OTUB2: variants seen among roughly 807,000 people sequenced by gnomAD.
The protein encoded by OTUB2 is ubiquitin thioesterase OTUB2.
OTUB2 carries 21 observed loss-of-function variants against 25.1 expected under a neutral mutation model. The ratio of observed to expected loss-of-function variants is 0.84; its 90% CI spans 0.59 to 1.21. The LOEUF (loss-of-function observed/expected upper bound fraction) is 1.21. Ranked by LOEUF, OTUB2 falls within the 50% of genes most tolerant of loss-of-function variation. OTUB2 has a pLI of 0.00. For synonymous variants in OTUB2, 122 were observed against 122.8 expected (o/e 0.99, Z 0.04); for missense variants, 283 against 298.0 (o/e 0.95, Z 0.37).
Position 94,039,977 on chromosome 14 carries a change from G to A in OTUB2, c.218+896G>A, listed in dbSNP as rs113875315. Among the ~76,000 whole-genome samples, 994 of 152,252 alleles carry A rather than the reference G, an allele frequency of 6.5e-3. 19 individuals are homozygous for A. The highest frequency in any genetic ancestry group is 0.022 in the African/African-American group (928 of 41,538). On this transcript the variant is annotated intron_variant, in intron 3 of 5. Transcript: ENST00000203664. ...ACGTTTTGGGCCAGATCATGCTCAC[G>A]GTGGGGGCTGTCCTATGCATTGTAG...
chr14:94,030,060 G>A (rs1413175187), intron 1 of OTUB2, among the ~76,000 whole-genome samples: 1 of 152,218 alleles, frequency 6.6e-6, no homozygotes, highest in Non-Finnish European at 1.5e-5. Flanking sequence ...GGAGGTCGTT[G>A]TCAAAAGATT....
Position 94,041,165 on chromosome 14 carries a change from G to A in OTUB2, c.218+2084G>A, listed in dbSNP as rs532864842. Among the ~76,000 whole-genome samples the A allele has an allele frequency of 6.0e-4, 91 of 152,332 alleles. 1 individual carries two copies. The highest frequency in any genetic ancestry group is 1.9e-3 in the African/African-American group (80 of 41,582). On this transcript the variant is annotated intron_variant, in intron 3 of 5. Coordinates refer to ENST00000203664, the MANE Select transcript of OTUB2 (RefSeq NM_023112.4). ...ACCTGTGAAGGTGGCGAAAGGATTC[G>A]TGCCCGACTCACATGTTGGACATGG...
intron 1 of OTUB2, 84 bp from the exon 2 acceptor site, chr14:94,037,296 G>A (rs2141410722): frequency 5.7e-6 from 5 of 882,038 alleles, no homozygotes; most frequent in Admixed American, 4.1e-5. Context: ...GTCTGTAACC[G>A]GCAGTTCAGA....
chr14:94,041,013 T>C (rs1275187697), intron 3 of OTUB2, among the ~76,000 whole-genome samples: 1 of 151,952 alleles, frequency 6.6e-6, no homozygotes, highest in Non-Finnish European at 1.5e-5. Flanking sequence ...CTGGCTGCTG[T>C]GTGCAGGACA....
chr14:94,031,542 G>A (rs549577289), intron 1 of OTUB2, among the ~76,000 whole-genome samples: 1 of 152,120 alleles, frequency 6.6e-6, no homozygotes, highest in Admixed American at 6.5e-5. Context: ...CCTCTCCAGC[G>A]TCATGGTGGG....
intron 3 of OTUB2, among the ~76,000 whole-genome samples, chr14:94,042,824 C>T (rs549283379): frequency 2.0e-5 from 3 of 152,190 alleles, no homozygotes; most frequent in Non-Finnish European, 4.4e-5. Flanking sequence ...CCCTCAGCAC[C>T]CCTGCAGTCA....
rs532138886 is a variant in OTUB2, at chr14:94,035,269, T to C, written c.4-2111T>C. Among the ~76,000 whole-genome samples the C allele has an allele frequency of 1.4e-4, 21 of 149,880 alleles. No individual in the cohort carries two copies. The South Asian group carries it at 3.2e-3, about 23-fold the overall frequency. Reference sequence around the variant, plus strand: ...CTTTTGGAAACATTCTTCATCCAGTTCTTTTTTTTTTCTTTTCTTTTTTTT... The same window carrying C: ...CTTTTGGAAACATTCTTCATCCAGTCCTTTTTTTTTTCTTTTCTTTTTTTT... On this transcript the variant is annotated intron_variant, in intron 1 of 5. Coordinates refer to ENST00000203664, the MANE Select transcript of OTUB2 (RefSeq NM_023112.4).
At chr14:94,041,516 T>C (rs1430309807) in intron 3 of OTUB2, among the ~76,000 whole-genome samples, 1 of 152,160 alleles carries the variant, frequency 6.6e-6, no homozygotes, top group Non-Finnish European at 1.5e-5. Context: ...TAGGCTGGCC[T>C]CGAACTCTTG....
At position 94,035,488 on chromosome 14, in the gene OTUB2, G is replaced by A. The variant is rs928532340; in HGVS notation, c.4-1892G>A. ...GTATTTTTAGTAGAGACGAGGTTTC[G>A]CCATCTTGGACAGGCTGGTCTTGAA... On this transcript the variant is annotated intron_variant, in intron 1 of 5. Coordinates refer to ENST00000203664, the MANE Select transcript of OTUB2 (RefSeq NM_023112.4). Among the ~76,000 whole-genome samples the A allele has an allele frequency of 8.6e-5, 13 of 151,670 alleles. 1 individual carries two copies. Among genetic ancestry groups the A allele is most frequent in the South Asian group, 6.2e-4 (3 of 4,808 alleles).
chr14:94,039,133 C>T (rs779025067), intron 3 of OTUB2, 52 bp downstream of exon 3: 2 of 1,405,778 alleles, frequency 1.4e-6, no homozygotes, highest in East Asian at 2.3e-5. Context: ...TGTGCTAGGT[C>T]AGCCTCAAGT....
Position 94,046,086 on chromosome 14 carries a change from T to A in OTUB2, c.*164T>A. 1.4e-6 allele frequency: 1 copy of A among 715,324 alleles called. No homozygotes were observed. Among genetic ancestry groups the A allele is most frequent in the Non-Finnish European group, 2.3e-6 (1 of 437,066 alleles). 44.3% of individuals were successfully genotyped at this position (715,324 alleles called of 1,614,324 possible). On this transcript the variant is annotated 3_prime_UTR_variant, in exon 6 of 6. Coordinates refer to ENST00000203664, the MANE Select transcript of OTUB2 (RefSeq NM_023112.4). ...GAGGCCTATCCACTATGGACTATGG[T>A]AACTTGGTAGGATTTTTAGTATTTA...
chr14:94,026,341 G>A lies in OTUB2; in HGVS notation c.-197G>A. 1 of 1,225,242 alleles carries A rather than the reference G, an allele frequency of 8.2e-7. No homozygotes were observed. Among genetic ancestry groups the A allele is most frequent in the Non-Finnish European group, 1.0e-6 (1 of 983,572 alleles). The allele number at this position is 1,225,242 out of a possible 1,614,324, so 75.9% of individuals were successfully genotyped here. ...TTGCCCGCCTGAGACGTCAATCGCA[G>A]GGCGTGTGTCTTGCTGGGACACAGT... On this transcript the variant is annotated 5_prime_UTR_variant, in exon 1 of 6. Coordinates refer to ENST00000203664, the MANE Select transcript of OTUB2 (RefSeq NM_023112.4).
intron 1 of OTUB2, among the ~76,000 whole-genome samples, chr14:94,030,878 A>G (rs1884950471): frequency 6.6e-6 from 1 of 152,170 alleles, no homozygotes; most frequent in Non-Finnish European, 1.5e-5. Context: ...GGAAGACAAG[A>G]AAATAGATTC....
At chr14:94,042,577 C>T (rs1340169867) in intron 3 of OTUB2, among the ~76,000 whole-genome samples, 1 of 152,150 alleles carries the variant, frequency 6.6e-6, no homozygotes, top group African/African-American at 2.4e-5. Context: ...AGGGTGCCGG[C>T]CCTTGGAGCA....
In OTUB2 at chr14:94,026,473, C is replaced by T; in HGVS notation, c.-65C>T. 2.3e-6 allele frequency: 3 copies of T among 1,326,200 alleles called. No individual in the cohort carries two copies. The highest frequency in any genetic ancestry group is 1.9e-6 in the Non-Finnish European group (2 of 1,033,514). The allele number at this position is 1,326,200 out of a possible 1,614,324, so 82.2% of individuals were successfully genotyped here. On this transcript the variant is annotated 5_prime_UTR_variant, in exon 1 of 6. Transcript: ENST00000203664. ...AGCGGCGGAGCCCGCCCGCGCCTCC[C>T]GCGGCATTCCCGCACCGGATCGCTC... is the stretch of plus-strand genomic sequence containing the variant.
intron 3 of OTUB2, among the ~76,000 whole-genome samples, chr14:94,042,838 C>G (rs35174442): frequency 6.6e-6 from 1 of 152,084 alleles, no homozygotes; most frequent in East Asian, 1.9e-4. Context: ...GCAGTCAAGG[C>G]GTCATCACCA....
Position 94,039,026 on chromosome 14 carries a change from G to A in OTUB2, c.163G>A (p.Ala55Thr), listed in dbSNP as rs1212501436. The A allele has an allele frequency of 6.2e-7, 1 of 1,614,110 alleles. No individual in the cohort carries two copies. Among genetic ancestry groups the A allele is most frequent in the African/African-American group, 1.3e-5 (1 of 74,942 alleles). Reference protein sequence around the residue: ...TKGDGNCFYRALGYSYLESLL... With the variant: ...TKGDGNCFYRTLGYSYLESLL... The stretch of plus-strand genomic sequence containing the variant: ...AGGGGATGGGAACTGCTTCTACAGG[G>A]CCTTGGGCTATTCCTACCTGGAGTC... Residue 55 changes from alanine to threonine, a missense_variant, in exon 3 of 6, where the codon GCC (alanine) becomes ACC (threonine). Ala to Thr is a moderately conservative substitution (Grantham distance 58). Transcript: ENST00000203664.
chr14:94,033,738 C>T (rs777705474), intron 1 of OTUB2, among the ~76,000 whole-genome samples: 7 of 152,186 alleles, frequency 4.6e-5, no homozygotes, highest in Non-Finnish European at 7.3e-5. Context: ...AGAGCAGGTG[C>T]GCTTGTTTTT....
chr14:94,044,794 G>T lies in OTUB2; in HGVS notation c.498+14G>T, dbSNP rs1018726695. 1 of 1,603,048 alleles carries T rather than the reference G, an allele frequency of 6.2e-7. No individual in the cohort carries two copies. Among genetic ancestry groups the T allele is most frequent in the Non-Finnish European group, 8.5e-7 (1 of 1,175,356 alleles). On this transcript the variant is annotated intron_variant, in intron 5 of 5. Coordinates refer to ENST00000203664, the MANE Select transcript of OTUB2 (RefSeq NM_023112.4). ...TTCTGCACTCACGTAGGTGCTTGGG[G>T]TCTCAGCCCCAGCCCTGGGCTCTGC...
Sources: allele counts gnomAD v4.1 joint callset (sites outside exome capture counted in the v4.1 genomes callset), GRCh38; gene constraint gnomAD v4.1.1; transcripts MANE v1.5; gene names NCBI Gene and HGNC (gene_info 2026-07-23, HGNC 2026-07-21).